ZNF471: variants seen among roughly 807,000 people sequenced by gnomAD.
ZNF471 encodes the protein EZFIT-related protein 1.
ZNF471 carries 7 observed loss-of-function variants against 13.7 expected under a neutral mutation model. The observed-to-expected ratio is 0.51, with a 90% CI of 0.29 to 0.96. The LOEUF (loss-of-function observed/expected upper bound fraction) is 0.96, where lower values mean the gene tolerates loss of function less well. Among genes scored for constraint, ZNF471 ranks in the 40% least tolerant of loss-of-function variants. The pLI is 0.08. For synonymous variants in ZNF471, 218 were observed against 235.6 expected, an observed-to-expected ratio of 0.93 and a Z score of 0.68; for missense variants, 663 against 743.3, an observed-to-expected ratio of 0.89 and a Z score of 1.26.
chr19:56,530,105 A>G lies in ZNF471; in HGVS notation c.*4157A>G, dbSNP rs2044090621. On this transcript the variant is annotated 3_prime_UTR_variant, in exon 5 of 5. Coordinates refer to ENST00000308031, the MANE Select transcript of ZNF471 (RefSeq NM_020813.4). ...TCACTGTGTAGTTACGGAAAATGAG[A>G]TGGATCTCTACTCAAAGATGTCTTG... The G allele has an allele frequency of 6.6e-6, 1 of 152,234 alleles. No individual in the cohort carries two copies. Among genetic ancestry groups the G allele is most frequent in the South Asian group, 2.1e-4 (1 of 4,834 alleles). 9.4% of individuals were successfully genotyped at this position (152,234 alleles called of 1,614,324 possible). A position where few individuals can be genotyped will look rare whatever the true frequency, so the allele number is the denominator to read the frequency against.
Position 56,516,224 on chromosome 19 carries a change from T to A in ZNF471, c.34-51T>A. The A allele has an allele frequency of 6.3e-7, 1 of 1,594,274 alleles. No individual in the cohort carries two copies. The highest frequency in any genetic ancestry group is 8.6e-7 in the Non-Finnish European group (1 of 1,166,034). ...AGAGACACTTTGGATCAACTCAGAG[T>A]TATCTTTGGACACGAGCATTGGTTG... is the stretch of plus-strand genomic sequence containing the variant. On this transcript the variant is annotated intron_variant, in intron 2 of 4. Coordinates refer to ENST00000308031, the MANE Select transcript of ZNF471 (RefSeq NM_020813.4). This position sits in a 1 kb window ranked among gnomAD's most constrained non-coding sequence, Gnocchi z 4.4.
At chr19:56,511,367 TA>T in intron 1 of ZNF471, 149 bp from the exon 2 acceptor site, 1 of 545,452 alleles carries the variant, frequency 1.8e-6, no homozygotes. Flanking sequence ...AAAAAACCGT[TA>T]TGAGTTTTAG....
chr19:56,518,381 A>T, intron 3 of ZNF471, 101 bp from the exon 4 acceptor site: 1 of 836,046 alleles, frequency 1.2e-6, no homozygotes, highest in Non-Finnish European at 1.9e-6. Flanking sequence ...TCTCTTATCT[A>T]GTATTCCTAC....
rs1025635969 is a variant in ZNF471 at position 56,526,662 on chromosome 19, G to A, written c.*714G>A. On this transcript the variant is annotated 3_prime_UTR_variant, in exon 5 of 5. Coordinates refer to ENST00000308031, the MANE Select transcript of ZNF471 (RefSeq NM_020813.4). ...AGTCAACCTGGGATGATCAAGCTTG[G>A]TGGGGGGAGGGGCGCCAACCATTAC... 6.6e-6 allele frequency: 1 copy of A among 152,376 alleles called. No homozygotes were observed. Among genetic ancestry groups the A allele is most frequent in the East Asian group, 1.9e-4 (1 of 5,164 alleles). The allele number at this position is 152,376 out of a possible 1,614,324, so 9.4% of individuals were successfully genotyped here.
In ZNF471 at chr19:56,508,372, G is replaced by A. The variant is rs2043763562; in HGVS notation, c.-56+452G>A. Among the ~76,000 whole-genome samples, 1 of 151,534 alleles carries A rather than the reference G, an allele frequency of 6.6e-6. No homozygotes were observed. The highest frequency in any genetic ancestry group is 2.1e-4 in the South Asian group (1 of 4,784). ...GGGATGTGCCTGCATTTGAAAGAGA[G>A]CGTGTGAAGCTCAGTGAGAGGTTGC... is the stretch of plus-strand genomic sequence containing the variant. On this transcript the variant is annotated intron_variant, in intron 1 of 4. Transcript: ENST00000308031. This position sits in a 1 kb window ranked among gnomAD's most constrained non-coding sequence, Gnocchi z 4.7.
At position 56,516,383 on chromosome 19, in the gene ZNF471, C is replaced by G; in HGVS notation, c.142C>G (p.Gln48Glu). The G allele has an allele frequency of 6.2e-7, 1 of 1,613,526 alleles. No individual in the cohort carries two copies. Among genetic ancestry groups the G allele is most frequent in the Non-Finnish European group, 8.5e-7 (1 of 1,179,684 alleles). Residue 48 changes from glutamine to glutamate, a missense_variant, in exon 3 of 5, where the codon CAG becomes GAG. Transcript: ENST00000308031. The surrounding 1 kb of genome is among the most constrained non-coding windows in gnomAD (Gnocchi z 4.4). ...CAGGAGTATGATGTTGGAGAACTAT[C>G]AGAGCCTGGTATCACTTGGTGAGGA... is the stretch of plus-strand genomic sequence containing the variant. Reference protein sequence around the residue: ...LYRSMMLENYQSLVSLGLCIS... With the variant: ...LYRSMMLENYESLVSLGLCIS...
At position 56,525,374 on chromosome 19, in the gene ZNF471, G is replaced by T. The variant is rs759976509; in HGVS notation, c.1307G>T (p.Cys436Phe). 8 of 1,614,112 alleles carry T rather than the reference G, an allele frequency of 5.0e-6. No individual in the cohort carries two copies. Among genetic ancestry groups the T allele is most frequent in the Non-Finnish European group, 6.8e-6 (8 of 1,180,010 alleles). ...TGEKPYECDICGKDFSHHASL... is the reference protein window; with the variant it reads ...TGEKPYECDIFGKDFSHHASL... Reference sequence around the variant, plus strand: ...GAGAAACCTTATGAATGTGATATATGTGGGAAAGATTTTAGCCATCATGCA... The same window carrying T: ...GAGAAACCTTATGAATGTGATATATTTGGGAAAGATTTTAGCCATCATGCA... The change falls in exon 5 of 5, where the codon TGT becomes TTT. Residue 436 changes from cysteine (C) to phenylalanine (F), a missense_variant. Cys to Phe is a radical substitution (Grantham distance 205). Coordinates refer to ENST00000308031, the MANE Select transcript of ZNF471 (RefSeq NM_020813.4).
chr19:56,512,166 A>C (rs561104145), intron 2 of ZNF471, among the ~76,000 whole-genome samples: 1 of 151,338 alleles, frequency 6.6e-6, no homozygotes, highest in East Asian at 1.9e-4. Context: ...AAATTTACAA[A>C]CAAATTTCAC....
Position 56,508,238 on chromosome 19 carries a change from T to TGAGG in ZNF471, c.-56+319_-56+320insAGGG. ...TGAGAGGGTGTGGTTTCTGTGTGTG[T>TGAGG]GTGTGTGTGTGTGTGACAGACCGAG... On this transcript the variant is annotated intron_variant, in intron 1 of 4. Coordinates refer to ENST00000308031, the MANE Select transcript of ZNF471 (RefSeq NM_020813.4). The surrounding 1 kb of genome is among the most constrained non-coding windows in gnomAD (Gnocchi z 4.7). The TGAGG allele has an allele frequency of 1.1e-6, 1 of 915,030 alleles. No individual in the cohort carries two copies. The highest frequency in any genetic ancestry group is 1.3e-6 in the Non-Finnish European group (1 of 772,980). 56.7% of individuals were successfully genotyped at this position (915,030 alleles called of 1,614,324 possible).
chr19:56,518,796 GA>G (rs1252578256), intron 4 of ZNF471, among the ~76,000 whole-genome samples: 8 of 152,130 alleles, frequency 5.3e-5, no homozygotes, highest in Admixed American at 2.0e-4. Context: ...AGAGATTAGA[GA>G]ATCTTAAATC....
At position 56,525,793 on chromosome 19, in the gene ZNF471, T is replaced by A; in HGVS notation, c.1726T>A (p.Cys576Ser). Residue 576 changes from cysteine (C) to serine (S), a missense_variant, in exon 5 of 5, where the codon TGT becomes AGT. Cys to Ser is a moderately radical substitution (Grantham distance 112, BLOSUM62 -1). Coordinates refer to ENST00000308031, the MANE Select transcript of ZNF471 (RefSeq NM_020813.4). ...AGAGAAACCCTATAAATGTACTGAA[T>A]GTGGAAAGGCTTTTAGTGATAGCTC... ...TGEKPYKCTECGKAFSDSSSC... is the reference protein window; with the variant it reads ...TGEKPYKCTESGKAFSDSSSC... 2 of 1,614,206 alleles carry A rather than the reference T, an allele frequency of 1.2e-6. No homozygotes were observed. Among genetic ancestry groups the A allele is most frequent in the Non-Finnish European group, 1.7e-6 (2 of 1,180,046 alleles).
chr19:56,507,934 G>A lies in ZNF471; in HGVS notation c.-56+14G>A. On this transcript the variant is annotated intron_variant, in intron 1 of 4. Transcript: ENST00000308031. The stretch of plus-strand genomic sequence containing the variant: ...ACGAGGCCGGGGGTTTGTTTTGGGT[G>A]GTTTGGGAGTCCGAGCTCGAGGGCT... 1 of 985,764 alleles carries A rather than the reference G, an allele frequency of 1.0e-6. No homozygotes were observed. The highest frequency in any genetic ancestry group is 1.2e-6 in the Non-Finnish European group (1 of 830,134). The allele number at this position is 985,764 out of a possible 1,614,324, so 61.1% of individuals were successfully genotyped here. A position where few individuals can be genotyped will look rare whatever the true frequency, so the allele number is the denominator to read the frequency against.
chr19:56,518,136 T>C (rs1256089573), intron 3 of ZNF471, among the ~76,000 whole-genome samples: 1 of 152,216 alleles, frequency 6.6e-6, no homozygotes, highest in Admixed American at 6.5e-5. Context: ...GATTCTGTCA[T>C]ATTCCCCTAA....
chr19:56,529,254 G>A lies in ZNF471; in HGVS notation c.*3306G>A, dbSNP rs573762805. 1.3e-5 allele frequency: 2 copies of A among 152,178 alleles called. No homozygotes were observed. The highest frequency in any genetic ancestry group is 2.4e-5 in the African/African-American group (1 of 41,436). 9.4% of individuals were successfully genotyped at this position (152,178 alleles called of 1,614,324 possible). On this transcript the variant is annotated 3_prime_UTR_variant, in exon 5 of 5. Coordinates refer to ENST00000308031, the MANE Select transcript of ZNF471 (RefSeq NM_020813.4). ...TTTTTTATATTTGAAAAGTGTTTTC[G>A]ATGTATCATTGGGGGAGATTAAATG...
At chr19:56,509,844 G>A (rs1407803576) in intron 1 of ZNF471, 2 of 985,170 alleles carry the variant, frequency 2.0e-6, no homozygotes. Flanking sequence ...TCACCTGAGT[G>A]TGTTATCAGG....
Position 56,527,418 on chromosome 19 carries a change from C to T in ZNF471, c.*1470C>T, listed in dbSNP as rs2044061394. On this transcript the variant is annotated 3_prime_UTR_variant, in exon 5 of 5. Coordinates refer to ENST00000308031, the MANE Select transcript of ZNF471 (RefSeq NM_020813.4). ...TTCCAAAAACCAGAATGCCTCTTCT[C>T]CTCCAAAGGATCACAACTCCTTGCC... 1 of 152,034 alleles carries T rather than the reference C, an allele frequency of 6.6e-6. No individual in the cohort carries two copies. Among genetic ancestry groups the T allele is most frequent in the Admixed American group, 6.5e-5 (1 of 15,268 alleles). 9.4% of individuals were successfully genotyped at this position (152,034 alleles called of 1,614,324 possible). A position where few individuals can be genotyped will look rare whatever the true frequency, so the allele number is the denominator to read the frequency against.
chr19:56,514,316 T>C (rs2043852390), intron 2 of ZNF471, among the ~76,000 whole-genome samples: 1 of 152,162 alleles, frequency 6.6e-6, no homozygotes, highest in African/African-American at 2.4e-5. Flanking sequence ...CCTCAAGTGA[T>C]CTACCGGCCT....
rs752370070 is a variant in ZNF471 at position 56,524,834 on chromosome 19, A to G, written c.767A>G (p.His256Arg). ...CACCTTGCTCAACATCACAGAACACATACTGGAGAGAAACTCTTTGAATGT... is the reference window on the plus strand; with the variant it reads ...CACCTTGCTCAACATCACAGAACACGTACTGGAGAGAAACTCTTTGAATGT... ...RQHLAQHHRT[H>R]TGEKLFECKE... The change falls in exon 5 of 5, where the codon CAT (histidine) becomes CGT (arginine). Residue 256 changes from histidine (H) to arginine (R), a missense_variant. Transcript: ENST00000308031. This position sits in a 1 kb window ranked among gnomAD's most constrained non-coding sequence, Gnocchi z 4.8. 1.2e-6 allele frequency: 2 copies of G among 1,612,744 alleles called. No homozygotes were observed. The highest frequency in any genetic ancestry group is 1.7e-5 in the Admixed American group (1 of 59,756).
At position 56,516,366 on chromosome 19, in the gene ZNF471, T is replaced by A. The variant is rs944505440; in HGVS notation, c.125T>A (p.Met42Lys). Residue 42 changes from methionine (M) to lysine (K), a missense_variant, in exon 3 of 5, where the codon ATG becomes AAG. Met to Lys is a moderately conservative substitution (Grantham distance 95). Coordinates refer to ENST00000308031, the MANE Select transcript of ZNF471 (RefSeq NM_020813.4). This position sits in a 1 kb window ranked among gnomAD's most constrained non-coding sequence, Gnocchi z 4.4. ...NPAQKRLYRS[M>K]MLENYQSLVS... Reference sequence around the variant, plus strand: ...GCTCAGAAGCGTTTATACAGGAGTATGATGTTGGAGAACTATCAGAGCCTG... The same window carrying A: ...GCTCAGAAGCGTTTATACAGGAGTAAGATGTTGGAGAACTATCAGAGCCTG... The A allele has an allele frequency of 8.1e-6, 13 of 1,613,768 alleles. No homozygotes were observed. Among genetic ancestry groups the A allele is most frequent in the Non-Finnish European group, 1.1e-5 (13 of 1,179,834 alleles).
Sources: gnomAD v4.1 joint callset for allele counts (sites outside exome capture counted in the v4.1 genomes callset) on GRCh38, gnomAD v4.1.1 for gene constraint, Gnocchi (gnomAD v3.1) non-coding constraint, MANE v1.5 for transcripts, NCBI Gene and HGNC (gene_info 2026-07-23, HGNC 2026-07-21) for gene names.